Variants in GABRB2 observed in about 807,000 individuals in gnomAD.
GABRB2 encodes the protein gamma-aminobutyric acid type A receptor subunit beta2.
In GABRB2, 16 loss-of-function variants were observed where a neutral mutation model predicts 54.7. The observed-to-expected ratio is 0.29, with a 90% CI of 0.20 to 0.44. GABRB2 has a LOEUF of 0.44. Ranked by LOEUF, GABRB2 falls within the 20% of genes least tolerant of loss-of-function variation. The probability of loss-of-function intolerance (pLI) is 1.00; values close to 1 mark genes in which losing one functional copy is unlikely to be tolerated. For missense variants in GABRB2, 355 were observed against 644.0 expected (o/e 0.55, Z 4.86); for synonymous variants, 244 against 233.8 (o/e 1.04, Z -0.40).
At chr5:161,349,699 G>A (rs899125528) in intron 5 of GABRB2, among the ~76,000 whole-genome samples, 1 of 152,194 alleles carries the variant, frequency 6.6e-6, no homozygotes, top group African/African-American at 2.4e-5. Flanking sequence ...CTCGCATGGT[G>A]GGAAACTGAG....
At chr5:161,332,059 G>C (rs369845221) in intron 7 of GABRB2, among the ~76,000 whole-genome samples, 2 of 151,324 alleles carry the variant, frequency 1.3e-5, no homozygotes, top group South Asian at 2.1e-4. Context: ...CCAGCTACTC[G>C]GGAGGCTGAG....
intron 5 of GABRB2, among the ~76,000 whole-genome samples, chr5:161,385,052 G>A (rs562741847): frequency 1.2e-4 from 18 of 152,224 alleles, no homozygotes; most frequent in African/African-American, 4.3e-4. Flanking sequence ...GTCGACTACA[G>A]AAGAAGCAAT....
intron 5 of GABRB2, among the ~76,000 whole-genome samples, chr5:161,343,124 C>T (rs1367921648): frequency 5.9e-5 from 9 of 152,020 alleles, no homozygotes; most frequent in South Asian, 2.1e-4. Context: ...AACTCAATAT[C>T]GAAAGTGTTC....
At chr5:161,421,391 C>T (rs1422733538) in intron 4 of GABRB2, among the ~76,000 whole-genome samples, 1 of 152,180 alleles carries the variant, frequency 6.6e-6, no homozygotes, top group African/African-American at 2.4e-5. Flanking sequence ...CTCTTTCCCA[C>T]CGCCACATGT....
chr5:161,539,528 T>G (rs550209379), intron 3 of GABRB2, among the ~76,000 whole-genome samples: 1 of 152,344 alleles, frequency 6.6e-6, no homozygotes. Flanking sequence ...CAGAGAAACA[T>G]GGAACTTTGA....
chr5:161,340,235 C>T (rs1388275141), intron 5 of GABRB2, among the ~76,000 whole-genome samples: 1 of 152,000 alleles, frequency 6.6e-6, no homozygotes, highest in Non-Finnish European at 1.5e-5. Flanking sequence ...AGAAACATTA[C>T]TAGGAACTGC....
chr5:161,521,267 C>T (rs1228460397), intron 3 of GABRB2, among the ~76,000 whole-genome samples: 1 of 151,938 alleles, frequency 6.6e-6, no homozygotes, highest in Non-Finnish European at 1.5e-5. Flanking sequence ...ACCTCCACCA[C>T]TCTTTATTCC....
In GABRB2 at chr5:161,427,852, C is replaced by A. The variant is rs1046758344; in HGVS notation, c.459-16795G>T. Among the ~76,000 whole-genome samples the A allele has an allele frequency of 5.3e-5, 8 of 152,262 alleles. No homozygotes were observed. In the South Asian group the frequency reaches 8.3e-4, roughly 16 times the overall value. The stretch of plus-strand genomic sequence containing the variant: ...TTATAAGTTGGTTACAATTTTCATG[C>A]CCAGTGTTCACAGTAGTTAAGGCAT... On this transcript the variant is annotated intron_variant, in intron 4 of 9. Transcript: ENST00000393959.
rs140538607 is a variant in GABRB2 at position 161,330,976 on chromosome 5, G to A, written c.984C>T (p.Tyr328=). 2.3e-4 allele frequency: 365 copies of A among 1,614,180 alleles called. 1 individual carries two copies. In the African/African-American group the frequency reaches 4.2e-3, roughly 18 times the overall value. The change falls in exon 8 of 10, where the codon TAC becomes TAT. Residue 328 remains tyrosine (Y), a synonymous_variant. Coordinates refer to ENST00000393959, the MANE Select transcript of GABRB2 (RefSeq NM_001371727.1). Reference sequence around the variant, plus strand: ...GTTGGGGCCCCCTCCCAAAGAAGATGTAGTTGACTAGGGCATATTCCAGAA... The same window carrying A: ...GTTGGGGCCCCCTCCCAAAGAAGATATAGTTGACTAGGGCATATTCCAGAA... The part of the protein sequence containing the change: ...MALLEYALVN[Y]IFFGRGPQRQ...
intron 3 of GABRB2, among the ~76,000 whole-genome samples, chr5:161,513,444 C>A (rs1044559962): frequency 2.6e-5 from 4 of 152,060 alleles, no homozygotes; most frequent in Non-Finnish European, 5.9e-5. Flanking sequence ...GAATACTATG[C>A]AGCCATTAAA....
chr5:161,304,271 G>A (rs557380407), intron 9 of GABRB2, among the ~76,000 whole-genome samples: 1 of 152,316 alleles, frequency 6.6e-6, no homozygotes, highest in African/African-American at 2.4e-5. Context: ...CCCACAGGCT[G>A]CTGCATCAAA....
At chr5:161,533,637 T>C (rs1561684776) in intron 3 of GABRB2, among the ~76,000 whole-genome samples, 1 of 152,116 alleles carries the variant, frequency 6.6e-6, no homozygotes, top group Non-Finnish European at 1.5e-5. Context: ...ATAGCAGAAA[T>C]CTTGGCCAGT....
At chr5:161,453,588 A>T (rs1344079565) in intron 4 of GABRB2, among the ~76,000 whole-genome samples, 1 of 152,172 alleles carries the variant, frequency 6.6e-6, no homozygotes, top group African/African-American at 2.4e-5. Context: ...CAGCCTGCAG[A>T]ACTGTGAGAA....
At chr5:161,523,638 A>G (rs1320132741) in intron 3 of GABRB2, among the ~76,000 whole-genome samples, 1 of 151,636 alleles carries the variant, frequency 6.6e-6, no homozygotes, top group Admixed American at 6.6e-5. Context: ...TTCAGTTTTT[A>G]ACCCTAGCCA....
At chr5:161,359,558 A>G (rs998271597) in intron 5 of GABRB2, among the ~76,000 whole-genome samples, 1 of 152,140 alleles carries the variant, frequency 6.6e-6, no homozygotes, top group African/African-American at 2.4e-5. Context: ...TTACCATAAT[A>G]TTGGTGATGA....
At chr5:161,455,483 G>T (rs1757924744) in intron 4 of GABRB2, among the ~76,000 whole-genome samples, 1 of 151,440 alleles carries the variant, frequency 6.6e-6, no homozygotes, top group Non-Finnish European at 1.5e-5. Context: ...CCAGATAATA[G>T]AACAAAAGGT....
At chr5:161,471,943 A>G (rs1000117879) in intron 3 of GABRB2, among the ~76,000 whole-genome samples, 1 of 151,900 alleles carries the variant, frequency 6.6e-6, no homozygotes, top group Non-Finnish European at 1.5e-5. Flanking sequence ...GCATTATTTC[A>G]TTAATCATCA....
intron 9 of GABRB2, among the ~76,000 whole-genome samples, chr5:161,298,393 A>G (rs1288752776): frequency 3.3e-5 from 5 of 152,092 alleles, no homozygotes; most frequent in African/African-American, 4.8e-5. Flanking sequence ...TCCCCACCAT[A>G]CTATACTTCT....
At chr5:161,505,548 A>C (rs1759580046) in intron 3 of GABRB2, among the ~76,000 whole-genome samples, 1 of 152,188 alleles carries the variant, frequency 6.6e-6, no homozygotes, top group South Asian at 2.1e-4. Context: ...CTTTAATAAA[A>C]TATTTACAAA....
Sources: allele counts gnomAD v4.1 joint callset (sites outside exome capture counted in the v4.1 genomes callset), GRCh38; gene constraint gnomAD v4.1.1; transcripts MANE v1.5; gene names NCBI Gene and HGNC (gene_info 2026-07-23, HGNC 2026-07-21).